The following URI1 variants were observed in gnomAD, a reference collection of about 807,000 sequenced individuals.
The protein encoded by URI1 is URI1 prefoldin like chaperone.
A neutral mutation model predicts 60.2 loss-of-function variants in URI1; 39 were observed. The observed-to-expected ratio is 0.65, with a 90% CI of 0.50 to 0.85. URI1 has a LOEUF of 0.85. URI1 is among the 40% of genes least tolerant of loss of function. URI1 has a pLI of 0.00. For synonymous variants in URI1, 251 were observed against 236.8 expected (o/e 1.06, Z -0.55); for missense variants, 691 against 665.9 (o/e 1.04, Z -0.42).
At chr19:30,013,155 G>A (rs2056044419) in intron 10 of URI1, among the ~76,000 whole-genome samples, 1 of 152,150 alleles carries the variant, frequency 6.6e-6, no homozygotes. Flanking sequence ...GAAATATAAG[G>A]CTATTGATTT....
At chr19:29,980,178 C>T (rs2055575120) in intron 2 of URI1, 1 of 152,040 alleles carries the variant, frequency 6.6e-6, no homozygotes, top group Non-Finnish European at 1.5e-5. Context: ...GCCAGGCATC[C>T]TTCAAGCTAG....
Position 30,005,375 on chromosome 19 carries a change from A to G in URI1, c.382A>G (p.Ile128Val). The G allele has an allele frequency of 6.3e-7, 1 of 1,592,870 alleles. No individual in the cohort carries two copies. The highest frequency in any genetic ancestry group is 1.1e-5 in the South Asian group (1 of 87,874). Residue 128 changes from isoleucine (I) to valine (V), a missense_variant, in exon 5 of 11, where the codon ATA becomes GTA. Transcript: ENST00000392271. Reference sequence around the variant, plus strand: ...CATTGTTTCAGATGTAAGAAAAACAATAGATGACTTAAAAAAAGTGATGAA... The same window carrying G: ...CATTGTTTCAGATGTAAGAAAAACAGTAGATGACTTAAAAAAAGTGATGAA... ...EHRKEHVRKT[I>V]DDLKKVMKNF... is the part of the protein sequence containing the mutation.
chr19:29,986,379 C>A lies in URI1; in HGVS notation c.329C>A (p.Ala110Glu), dbSNP rs2055670121. 6.2e-7 allele frequency: 1 copy of A among 1,609,698 alleles called. No individual in the cohort carries two copies. The highest frequency in any genetic ancestry group is 8.5e-7 in the Non-Finnish European group (1 of 1,179,266). ...GACAACTGGTTTGCAAAGTGCTCAG[C>A]AAAGCAGGCTGTAGGTTTAGTTGAG... Reference protein sequence around the residue: ...LGDNWFAKCSAKQAVGLVEHR... With the variant: ...LGDNWFAKCSEKQAVGLVEHR... The change falls in exon 4 of 11, where the codon GCA becomes GAA. Residue 110 changes from alanine to glutamate, a missense_variant. Ala to Glu is a moderately radical substitution (Grantham distance 107). Coordinates refer to ENST00000392271, the MANE Select transcript of URI1 (RefSeq NM_003796.3).
chr19:29,923,792 G>A, intron 1 of URI1: 1 of 1,525,652 alleles, frequency 6.6e-7, no homozygotes, highest in Non-Finnish European at 8.8e-7. Flanking sequence ...CTTCTCTGCT[G>A]TTAGTGTGAG....
At chr19:29,973,371 C>A (rs277077) in intron 2 of URI1, among the ~76,000 whole-genome samples, 1 of 152,130 alleles carries the variant, frequency 6.6e-6, no homozygotes, top group African/African-American at 2.4e-5. Context: ...TCACACACTA[C>A]TTTTAAAAGC....
At chr19:29,971,290 A>G in intron 2 of URI1, 63 bp downstream of exon 2, 1 of 1,543,260 alleles carries the variant, frequency 6.5e-7, no homozygotes, top group Middle Eastern at 1.7e-4. Flanking sequence ...CTTGTGTTCA[A>G]ATAATGTGTT....
chr19:29,977,284 A>G (rs2055535415), intron 2 of URI1, among the ~76,000 whole-genome samples: 1 of 152,126 alleles, frequency 6.6e-6, no homozygotes, highest in Non-Finnish European at 1.5e-5. Context: ...CATTGTAACA[A>G]TGCCATGGTT....
intron 1 of URI1, chr19:29,956,528 A>G: frequency 6.4e-7 from 1 of 1,557,182 alleles, no homozygotes; most frequent in East Asian, 2.2e-5. Context: ...GCTGAATTTG[A>G]AACAAGCTCA....
At chr19:29,955,462 A>G (rs2055233453) in intron 1 of URI1, among the ~76,000 whole-genome samples, 1 of 152,230 alleles carries the variant, frequency 6.6e-6, no homozygotes, top group South Asian at 2.1e-4. Context: ...TTACTGAGTC[A>G]AAGGGTAAAT....
rs980242434 is a variant in URI1 at position 29,960,598 on chromosome 19, ATTTG to A, written c.118-10587_118-10584del. 3.3e-5 allele frequency among the ~76,000 whole-genome samples: 5 copies of A among 152,112 alleles called. No individual in the cohort carries two copies. In the East Asian group the frequency reaches 5.8e-4, roughly 18 times the overall value. ...GTATTAGTATGGTCACACCAGCTAA[ATTTG>A]TTTGTTTTGTCTATCTTTAAAAAAA... is the stretch of plus-strand genomic sequence containing the variant. On this transcript the variant is annotated intron_variant, in intron 1 of 10. Transcript: ENST00000392271.
chr19:29,945,260 C>G (rs1452969230), intron 1 of URI1, among the ~76,000 whole-genome samples: 1 of 152,214 alleles, frequency 6.6e-6, no homozygotes, highest in East Asian at 1.9e-4. Flanking sequence ...ATAATCTTCT[C>G]TGGGAGCCTT....
intron 10 of URI1, 97 bp from the exon 11 acceptor site, chr19:30,014,790 T>C (rs75312381): frequency 0.049 from 62,132 of 1,255,360 alleles, 1,861 homozygotes; most frequent in Non-Finnish European, 0.057. Context: ...CTCGTGAATT[T>C]ACTTTTAATG....
At chr19:30,014,854 T>C (rs1437374594) in intron 10 of URI1, 33 bp from the exon 11 acceptor site, 5 of 1,572,218 alleles carry the variant, frequency 3.2e-6, no homozygotes, top group Non-Finnish European at 4.3e-6. Context: ...CTTATTTGCA[T>C]TTTATTACCA....
chr19:29,930,935 T>A (rs1031905389), intron 1 of URI1, among the ~76,000 whole-genome samples: 1 of 151,664 alleles, frequency 6.6e-6, no homozygotes, highest in South Asian at 2.1e-4. Flanking sequence ...CTCGAATTCC[T>A]GACCTCAAGT....
At position 29,986,306 on chromosome 19, in the gene URI1, A is replaced by T. The variant is rs768125314; in HGVS notation, c.256A>T (p.Met86Leu). ...IMVPFGPFAF[M>L]PGKLVHTNEV... Reference sequence around the variant, plus strand: ...GGTACCATTTGGCCCTTTTGCCTTCATGCCAGGAAAACTTGTCCATACTAA... The same window carrying T: ...GGTACCATTTGGCCCTTTTGCCTTCTTGCCAGGAAAACTTGTCCATACTAA... The change falls in exon 4 of 11, where the codon ATG becomes TTG. Residue 86 changes from methionine (M) to leucine (L), a missense_variant. Transcript: ENST00000392271. The T allele has an allele frequency of 6.2e-7, 1 of 1,600,720 alleles. No homozygotes were observed. The highest frequency in any genetic ancestry group is 8.5e-7 in the Non-Finnish European group (1 of 1,177,052).
chr19:29,954,488 T>TCG (rs1568414258), intron 1 of URI1, among the ~76,000 whole-genome samples: 8 of 151,090 alleles, frequency 5.3e-5, no homozygotes, highest in African/African-American at 1.5e-4. Flanking sequence ...CCATTCCTGC[T>TCG]CTTACTTACC....
intron 1 of URI1, among the ~76,000 whole-genome samples, chr19:29,954,473 C>G (rs1368391986): frequency 6.6e-6 from 1 of 150,620 alleles, no homozygotes; most frequent in African/African-American, 2.4e-5. Flanking sequence ...AATTCTGATT[C>G]ATTCCCATTC....
At chr19:30,007,422 T>G (rs751595012) in intron 6 of URI1, 48 bp from the exon 7 acceptor site, 1 of 1,593,274 alleles carries the variant, frequency 6.3e-7, no homozygotes, top group Non-Finnish European at 8.5e-7. Context: ...GTTTGTGCCT[T>G]TTTTATGTTG....
Position 30,012,281 on chromosome 19 carries a change from A to C in URI1, c.1179-4A>C, listed in dbSNP as rs756581870. On this transcript the variant is annotated splice_region_variant and splice_polypyrimidine_tract_variant and intron_variant, in intron 9 of 10. Transcript: ENST00000392271. ...TGAATGCATATGTGTTTTGAATATC[A>C]CAGAGCCTTTGTTGATGTTGTGAAT... The C allele has an allele frequency of 5.6e-6, 9 of 1,611,104 alleles. No homozygotes were observed. The highest frequency in any genetic ancestry group is 8.5e-7 in the Non-Finnish European group (1 of 1,177,668).
Sources: gnomAD v4.1 joint callset for allele counts (sites outside exome capture counted in the v4.1 genomes callset) on GRCh38, gnomAD v4.1.1 for gene constraint, MANE v1.5 for transcripts, NCBI Gene and HGNC (gene_info 2026-07-23, HGNC 2026-07-21) for gene names.